Variants in SH3PXD2A observed in about 807,000 individuals in gnomAD.
The protein encoded by SH3PXD2A is SH3 and PX domains 2A, also known as SH3 and PX domain-containing protein 2A.
SH3PXD2A carries 32 observed loss-of-function variants against 115.2 expected under a neutral mutation model. The ratio of observed to expected loss-of-function variants is 0.28; its 90% CI spans 0.21 to 0.37. The LOEUF is 0.37. Ranked by LOEUF, SH3PXD2A falls within the 10% of genes least tolerant of loss-of-function variation. The pLI is 1.00. For missense variants in SH3PXD2A, 1,328 were observed against 1,498.7 expected, an observed-to-expected ratio of 0.89 and a Z score of 1.88; for synonymous variants, 610 against 629.1, an observed-to-expected ratio of 0.97 and a Z score of 0.45.
chr10:103,731,040 A>G (rs562014400), intron 4 of SH3PXD2A, among the ~76,000 whole-genome samples: 1 of 151,480 alleles, frequency 6.6e-6, no homozygotes, highest in East Asian at 2.0e-4. Flanking sequence ...ACTGCAGGAT[A>G]TGGAAGACAG....
In SH3PXD2A at chr10:103,661,086, G is replaced by C; in HGVS notation, c.501C>G (p.Ile167Met). Residue 167 changes from isoleucine (I) to methionine (M), a missense_variant, in exon 8 of 15, where the codon ATC becomes ATG. Physicochemically the swap from Ile to Met is conservative, Grantham distance 10. Around this residue, in one of 5 missense-constraint regions of SH3PXD2A, gnomAD observed 90 missense variants for 71.1 expected, o/e 1.27. Coordinates refer to ENST00000369774, the MANE Select transcript of SH3PXD2A (RefSeq NM_001394015.1). ...TGGACACCACCACGTACTGTTCCAG[G>C]ATCATGGGCTCGGCGGTGGCGTCGG... ...TGADATAEPM[I>M]LEQYVVVSNY... The C allele has an allele frequency of 6.2e-7, 1 of 1,613,938 alleles. No individual in the cohort carries two copies. The highest frequency in any genetic ancestry group is 2.2e-5 in the East Asian group (1 of 44,876).
In SH3PXD2A at chr10:103,693,838, G is replaced by A. The variant is rs143627268; in HGVS notation, c.399-782C>T. ...TGGGAGGCCAGGAACGGTAGGAACG[G>A]AAGTGGAGCTTCTGAGGAAGTGGGT... On this transcript the variant is annotated intron_variant, in intron 5 of 14. Transcript: ENST00000369774. 6.6e-3 allele frequency among the ~76,000 whole-genome samples: 999 copies of A among 152,328 alleles called. 5 individuals carry two copies. The highest frequency in any genetic ancestry group is 0.017 in the Middle Eastern group (5 of 294).
intron 5 of SH3PXD2A, among the ~76,000 whole-genome samples, chr10:103,718,467 T>G (rs1043342989): frequency 2.7e-5 from 4 of 150,292 alleles, no homozygotes; most frequent in Non-Finnish European, 5.9e-5. Flanking sequence ...TGACCCCTTA[T>G]GACTGCAGGG....
In SH3PXD2A at chr10:103,600,734, C is replaced by T. The variant is rs1461135580; in HGVS notation, c.*1082G>A. On this transcript the variant is annotated 3_prime_UTR_variant, in exon 15 of 15. Transcript: ENST00000369774. ...TGTCTGCAACCTGGGGCTTGCCTAG[C>T]CCCAAATTTTTCTGGCAGGCGCCAA... 2.0e-5 allele frequency: 3 copies of T among 152,238 alleles called. No individual in the cohort carries two copies. Among genetic ancestry groups the T allele is most frequent in the Non-Finnish European group, 4.4e-5 (3 of 68,044 alleles). The allele number at this position is 152,238 out of a possible 1,614,324, so 9.4% of individuals were successfully genotyped here. A position where few individuals can be genotyped will look rare whatever the true frequency, so the allele number is the denominator to read the frequency against.
intron 8 of SH3PXD2A, among the ~76,000 whole-genome samples, chr10:103,643,894 G>A (rs2036992613): frequency 6.7e-6 from 1 of 150,146 alleles, no homozygotes; most frequent in South Asian, 2.1e-4. Context: ...GGCGGATCAC[G>A]AGGTCAGGAG....
chr10:103,624,701 G>A (rs1480497552), intron 9 of SH3PXD2A, among the ~76,000 whole-genome samples: 3 of 152,222 alleles, frequency 2.0e-5, no homozygotes, highest in African/African-American at 7.2e-5. Flanking sequence ...TCTGTCTACA[G>A]GGCTCAGGGC....
At chr10:103,610,699 A>G (rs2036413468) in intron 13 of SH3PXD2A, among the ~76,000 whole-genome samples, 1 of 152,202 alleles carries the variant, frequency 6.6e-6, no homozygotes, top group Admixed American at 6.5e-5. Flanking sequence ...CAAGCAGGCA[A>G]GAGCTGACAT....
rs3781343 is a variant in SH3PXD2A, at chr10:103,662,012, G to A, written c.473-898C>T. ...GTACAGTCGGACCAGCCTCAGGCCT[G>A]CCCCCAGCCCTGCTTCCAGAGAGGG... On this transcript the variant is annotated intron_variant, in intron 7 of 14. Coordinates refer to ENST00000369774, the MANE Select transcript of SH3PXD2A (RefSeq NM_001394015.1). 6 of 942,802 alleles carry A rather than the reference G, an allele frequency of 6.4e-6. No homozygotes were observed. The East Asian group carries it at 4.7e-4, about 73-fold the overall frequency. The allele number at this position is 942,802 out of a possible 1,614,324, so 58.4% of individuals were successfully genotyped here.
chr10:103,669,024 C>T (rs1385660739), intron 6 of SH3PXD2A, among the ~76,000 whole-genome samples: 10 of 152,224 alleles, frequency 6.6e-5, no homozygotes, highest in Non-Finnish European at 1.3e-4. Context: ...CTGGGTCCCA[C>T]GGGGCCTGAT....
chr10:103,752,761 C>T (rs147824046), intron 3 of SH3PXD2A, among the ~76,000 whole-genome samples: 1 of 152,262 alleles, frequency 6.6e-6, no homozygotes, highest in African/African-American at 2.4e-5. Flanking sequence ...TCTGTTGAAT[C>T]GTGGTTTAGG....
chr10:103,711,787 G>T lies in SH3PXD2A; in HGVS notation c.398+12483C>A, dbSNP rs533766661. Among the ~76,000 whole-genome samples, 6 of 152,366 alleles carry T rather than the reference G, an allele frequency of 3.9e-5. No homozygotes were observed. In the South Asian group the frequency reaches 1.0e-3, roughly 26 times the overall value. On this transcript the variant is annotated intron_variant, in intron 5 of 14. Transcript: ENST00000369774. The stretch of plus-strand genomic sequence containing the variant: ...GTCCCTCTGGTGGCCAGGCATGGCA[G>T]CTCACACCTCTAATCCTGGCACGTT...
chr10:103,822,539 G>A (rs1415479706), intron 1 of SH3PXD2A, among the ~76,000 whole-genome samples: 1 of 151,696 alleles, frequency 6.6e-6, no homozygotes. Flanking sequence ...TCAGCCATGA[G>A]GGCATGGTGG....
chr10:103,622,573 T>G lies in SH3PXD2A; in HGVS notation c.719-20A>C. On this transcript the variant is annotated intron_variant, in intron 9 of 14. Transcript: ENST00000369774. ...TGGACACTGGTGTGGGAGATGGCGA[T>G]GGAGCATGCGGCCAACAGCAACCGG... 1 of 1,523,834 alleles carries G rather than the reference T, an allele frequency of 6.6e-7. No homozygotes were observed. The highest frequency in any genetic ancestry group is 8.9e-7 in the Non-Finnish European group (1 of 1,126,958). The allele number at this position is 1,523,834 out of a possible 1,614,324, so 94.4% of individuals were successfully genotyped here.
At chr10:103,739,071 C>T (rs187401508) in intron 3 of SH3PXD2A, among the ~76,000 whole-genome samples, 9 of 152,270 alleles carry the variant, frequency 5.9e-5, no homozygotes, top group East Asian at 3.9e-4. Flanking sequence ...GGGAAGAACT[C>T]ATTTTAAAAA....
chr10:103,704,689 C>T (rs1323133523), intron 5 of SH3PXD2A, among the ~76,000 whole-genome samples: 2 of 152,228 alleles, frequency 1.3e-5, no homozygotes, highest in African/African-American at 4.8e-5. Flanking sequence ...TGGCCAAGGG[C>T]CTGTGTGCCC....
At chr10:103,740,032 T>C (rs1251041881) in intron 3 of SH3PXD2A, among the ~76,000 whole-genome samples, 1 of 152,156 alleles carries the variant, frequency 6.6e-6, no homozygotes, top group Non-Finnish European at 1.5e-5. Flanking sequence ...CTGGAAGCCC[T>C]AAGATTGATT....
intron 6 of SH3PXD2A, among the ~76,000 whole-genome samples, chr10:103,690,385 C>T (rs1178397640): frequency 6.6e-6 from 1 of 152,132 alleles, no homozygotes; most frequent in Non-Finnish European, 1.5e-5. Flanking sequence ...AGCTTGAAGA[C>T]AGAGGGAGAT....
chr10:103,838,776 G>C (rs558436283), intron 1 of SH3PXD2A, among the ~76,000 whole-genome samples: 2 of 152,326 alleles, frequency 1.3e-5, no homozygotes, highest in African/African-American at 4.8e-5. Flanking sequence ...TGGCACTGTG[G>C]CCCAACACAA....
intron 8 of SH3PXD2A, among the ~76,000 whole-genome samples, chr10:103,647,515 G>C (rs894683298): frequency 1.3e-5 from 2 of 152,178 alleles, no homozygotes; most frequent in African/African-American, 2.4e-5. Flanking sequence ...GAATGTAGAG[G>C]CCCTTTAAAT....
Sources: gnomAD v4.1 joint callset for allele counts (sites outside exome capture counted in the v4.1 genomes callset) on GRCh38, gnomAD v4.1.1 for gene constraint, gnomAD v4.1.1 regional missense constraint, MANE v1.5 for transcripts, NCBI Gene and HGNC (gene_info 2026-07-23, HGNC 2026-07-21) for gene names.